Variants in SANBR observed in about 807,000 individuals in gnomAD.
SANBR encodes the protein SANT and BTB domain regulator of CSR.
In SANBR, 77 loss-of-function variants were observed where a neutral mutation model predicts 101.8. That is an observed-to-expected ratio of 0.76 (90% CI 0.63 to 0.91). The LOEUF is 0.91. Among genes scored for constraint, SANBR ranks in the 40% least tolerant of loss-of-function variants. The pLI, the probability that SANBR is intolerant of heterozygous loss-of-function variation, is 0.00. For synonymous variants in SANBR, 279 were observed against 274.7 expected (o/e 1.02, Z -0.15); for missense variants, 875 against 853.0 (o/e 1.03, Z -0.32).
chr2:61,121,347 T>C (rs1285087828), intron 21 of SANBR, 71 bp downstream of exon 21: 1 of 973,916 alleles, frequency 1.0e-6, no homozygotes, highest in Non-Finnish European at 1.6e-6. Context: ...ATAAATCATA[T>C]GAACACTAGA....
chr2:61,124,692 C>T (rs954500867), downstream of SANBR, among the ~76,000 whole-genome samples: 1 of 137,388 alleles, frequency 7.3e-6, no homozygotes, highest in East Asian at 2.1e-4. Context: ...TGCAGCAGAA[C>T]AAGACCCTAT....
chr2:61,081,435 T>A lies in SANBR; in HGVS notation c.671-17T>A. 2 of 206,634 alleles carry A rather than the reference T, an allele frequency of 9.7e-6. No homozygotes were observed. The allele number at this position is 206,634 out of a possible 1,614,324, so 12.8% of individuals were successfully genotyped here. A position where few individuals can be genotyped will look rare whatever the true frequency, so the allele number is the denominator to read the frequency against. ...GGTACCCATCAAAAGGGTAATCTAA[T>A]TTTTTTTTTTTTTTAGAGCCAGGAA... On this transcript the variant is annotated splice_polypyrimidine_tract_variant and intron_variant, in intron 6 of 21. Coordinates refer to ENST00000402291, the MANE Select transcript of SANBR (RefSeq NM_001129993.3).
chr2:61,108,667 G>T (rs1205676378), intron 15 of SANBR, among the ~76,000 whole-genome samples: 2 of 138,486 alleles, frequency 1.4e-5, no homozygotes, highest in African/African-American at 5.1e-5. Context: ...TGAAGGGTTG[G>T]CTTTTTTTTT....
rs148429080 is a variant in SANBR at position 61,085,866 on chromosome 2, A to T, written c.891-2293A>T. On this transcript the variant is annotated intron_variant, in intron 8 of 21. Transcript: ENST00000402291. The stretch of plus-strand genomic sequence containing the variant: ...AATCATTTTTGGTATCTGGTAATTT[A>T]AATTCTCAAGTTTTGCCTATCTTCA... Among the ~76,000 whole-genome samples, 542 of 152,228 alleles carry T rather than the reference A, an allele frequency of 3.6e-3. 3 individuals are homozygous for T. The highest frequency in any genetic ancestry group is 0.033 in the East Asian group (169 of 5,184).
At chr2:61,073,408 C>A in intron 4 of SANBR, 50 bp from the exon 5 acceptor site, 1 of 911,270 alleles carries the variant, frequency 1.1e-6, no homozygotes, top group Non-Finnish European at 1.7e-6. Flanking sequence ...CAGCTAGAAA[C>A]ACTAACCCCC....
intron 13 of SANBR, among the ~76,000 whole-genome samples, chr2:61,105,324 C>T (rs1305932820): frequency 2.0e-5 from 3 of 151,708 alleles, no homozygotes; most frequent in African/African-American, 7.3e-5. Flanking sequence ...TGAGATTGTG[C>T]CACTGCATTC....
chr2:61,083,584 T>A (rs1050562379), intron 8 of SANBR, among the ~76,000 whole-genome samples: 13 of 137,342 alleles, frequency 9.5e-5, no homozygotes, highest in East Asian at 6.8e-4. Flanking sequence ...AAAAAAAAAA[T>A]TTTGACCAGG....
intron 12 of SANBR, among the ~76,000 whole-genome samples, chr2:61,099,144 A>C (rs924037300): frequency 1.3e-5 from 2 of 152,244 alleles, no homozygotes; most frequent in African/African-American, 4.8e-5. Flanking sequence ...TGCATAGTTC[A>C]AGACAAGGCT....
rs1463271405 is a variant in SANBR, at chr2:61,088,600, A to G, written c.1088+132A>G. The G allele has an allele frequency of 2.0e-5, 10 of 511,412 alleles. No individual in the cohort carries two copies. In the East Asian group the frequency reaches 3.5e-4, roughly 18 times the overall value. 31.7% of individuals were successfully genotyped at this position (511,412 alleles called of 1,614,324 possible). A position where few individuals can be genotyped will look rare whatever the true frequency, so the allele number is the denominator to read the frequency against. ...AGTGGTGTGGTCTTGGCTGACTGCA[A>G]CCTTCCGCCTCCCAGGTTCAAGCGA... On this transcript the variant is annotated intron_variant, in intron 10 of 21. Coordinates refer to ENST00000402291, the MANE Select transcript of SANBR (RefSeq NM_001129993.3).
intron 17 of SANBR, 87 bp from the exon 18 acceptor site, chr2:61,117,270 T>A: frequency 1.6e-6 from 2 of 1,235,726 alleles, no homozygotes; most frequent in East Asian, 4.6e-5. Flanking sequence ...TCACACTCAG[T>A]AAGAGTGAAC....
chr2:61,111,164 C>T (rs898690708), intron 16 of SANBR, among the ~76,000 whole-genome samples: 8 of 152,130 alleles, frequency 5.3e-5, no homozygotes, highest in Admixed American at 6.6e-5. Context: ...GAGGCCGAGG[C>T]GGGCGGATCA....
rs901741529 is a variant in SANBR, at chr2:61,088,401, A to G, written c.1021A>G (p.Arg341Gly). 6 of 1,606,590 alleles carry G rather than the reference A, an allele frequency of 3.7e-6. No individual in the cohort carries two copies. In the African/African-American group the frequency reaches 5.4e-5, roughly 14 times the overall value. ...ACTTTTAACAAAAGAAACAGAAAGA[A>G]GAATTCCTTGCATTCCTGGAAAAAT... Reference protein sequence around the residue: ...KKLLTKETERRIPCIPGKINV... With the variant: ...KKLLTKETERGIPCIPGKINV... Residue 341 changes from arginine (R) to glycine (G), a missense_variant, in exon 10 of 22, where the codon AGA becomes GGA. Arg to Gly is a moderately radical substitution (Grantham distance 125). Transcript: ENST00000402291.
chr2:61,113,145 C>T lies in SANBR; in HGVS notation c.1745-2834C>T, dbSNP rs562831751. On this transcript the variant is annotated intron_variant, in intron 16 of 21. Coordinates refer to ENST00000402291, the MANE Select transcript of SANBR (RefSeq NM_001129993.3). ...AAATCGGTTGACCATTTACATGTGGCCCCATTTCCAAACTGTGTTTTCTTC... is the reference window on the plus strand; with the variant it reads ...AAATCGGTTGACCATTTACATGTGGTCCCATTTCCAAACTGTGTTTTCTTC... Among the ~76,000 whole-genome samples the T allele has an allele frequency of 1.6e-4, 25 of 152,288 alleles. No individual in the cohort carries two copies. The South Asian group carries it at 4.1e-3, about 25-fold the overall frequency.
Position 61,088,234 on chromosome 2 carries a change from A to C in SANBR, c.966A>C (p.Ala322=). Residue 322 remains alanine, a synonymous_variant, in exon 9 of 22, where the codon GCA becomes GCC. Transcript: ENST00000402291. ...ATCCAGATTCTCGGAGTAATGCAGC[A>C]ACATTGTATAGGTATGCTAACATGT... is the stretch of plus-strand genomic sequence containing the variant. ...YLNPDSRSNA[A]TLYRCCLCKK... is the part of the protein sequence containing the mutation. 1 of 1,608,312 alleles carries C rather than the reference A, an allele frequency of 6.2e-7. No individual in the cohort carries two copies. The highest frequency in any genetic ancestry group is 8.5e-7 in the Non-Finnish European group (1 of 1,177,156).
chr2:61,078,717 C>T lies in SANBR; in HGVS notation c.670+1559C>T, dbSNP rs576923733. Among the ~76,000 whole-genome samples the T allele has an allele frequency of 1.6e-3, 241 of 152,198 alleles. 1 individual carries two copies. The highest frequency in any genetic ancestry group is 5.4e-3 in the African/African-American group (223 of 41,560). On this transcript the variant is annotated intron_variant, in intron 6 of 21. Coordinates refer to ENST00000402291, the MANE Select transcript of SANBR (RefSeq NM_001129993.3). ...GATAACAGGCATGAGCCACGGCGCC[C>T]GACCTAATATTTTTCATTTTAGAAA... is the stretch of plus-strand genomic sequence containing the variant.
At chr2:61,125,618 A>G (rs1419839901), downstream of SANBR, among the ~76,000 whole-genome samples, 1 of 152,238 alleles carries the variant, frequency 6.6e-6, no homozygotes, top group Non-Finnish European at 1.5e-5. Flanking sequence ...TCTAAGATGT[A>G]TCTTTCCTTG....
At chr2:61,128,485 T>C (rs549895403), downstream of SANBR, among the ~76,000 whole-genome samples, 4 of 151,882 alleles carry the variant, frequency 2.6e-5, no homozygotes, top group East Asian at 7.8e-4. Context: ...GGAGACCTCA[T>C]CTCTACAAAT....
At chr2:61,110,496 G>A (rs1190839717) in intron 16 of SANBR, among the ~76,000 whole-genome samples, 1 of 152,032 alleles carries the variant, frequency 6.6e-6, no homozygotes, top group African/African-American at 2.4e-5. Context: ...CCTGGCCAAC[G>A]TGGTGAAACC....
chr2:61,137,489 A>G (rs910338044), exon 22 of SANBR: 2 of 152,296 alleles, frequency 1.3e-5, no homozygotes, highest in African/African-American at 4.8e-5. Flanking sequence ...AAAGATATGG[A>G]AGAACATTGG....
Sources: gnomAD v4.1 joint callset for allele counts (sites outside exome capture counted in the v4.1 genomes callset) on GRCh38, gnomAD v4.1.1 for gene constraint, MANE v1.5 for transcripts, NCBI Gene and HGNC (gene_info 2026-07-23, HGNC 2026-07-21) for gene names.